SPSB4: variants seen among roughly 807,000 people sequenced by gnomAD.
SPSB4 encodes SPRY domain-containing SOCS box protein 4.
A neutral mutation model predicts 20.9 loss-of-function variants in SPSB4; 21 were observed. The ratio of observed to expected loss-of-function variants is 1.01; its 90% CI spans 0.71 to 1.45. SPSB4 has a LOEUF of 1.45. Among genes scored for constraint, SPSB4 ranks in the 40% most tolerant of loss-of-function variants. SPSB4 has a pLI of 0.00. For synonymous variants in SPSB4, 207 were observed against 183.8 expected, an observed-to-expected ratio of 1.13 and a Z score of -1.02; for missense variants, 399 against 399.2, an observed-to-expected ratio of 1.00 and a Z score of 0.00.
chr3:141,147,949 T>A lies in SPSB4; in HGVS notation c.*680T>A, dbSNP rs943226081. On this transcript the variant is annotated 3_prime_UTR_variant, in exon 3 of 3. Coordinates refer to ENST00000310546, the MANE Select transcript of SPSB4 (RefSeq NM_080862.3). ...AGCCACTGACTCACAGTTCTCTGGA[T>A]GCCCAGACACCTCTCTTCAGGGAAG... 2.0e-5 allele frequency: 3 copies of A among 153,104 alleles called. No homozygotes were observed. Among genetic ancestry groups the A allele is most frequent in the African/African-American group, 7.2e-5 (3 of 41,472 alleles). The allele number at this position is 153,104 out of a possible 1,614,324, so 9.5% of individuals were successfully genotyped here.
intron 2 of SPSB4, among the ~76,000 whole-genome samples, chr3:141,074,724 C>A (rs1297725827): frequency 6.6e-6 from 1 of 152,216 alleles, no homozygotes; most frequent in Non-Finnish European, 1.5e-5. Flanking sequence ...GCACCTTCAC[C>A]AGCTGTGTGC....
intron 2 of SPSB4, among the ~76,000 whole-genome samples, chr3:141,101,352 G>T (rs964069128): frequency 2.0e-5 from 3 of 152,216 alleles, no homozygotes; most frequent in Admixed American, 1.3e-4. Context: ...AGGACCAGGG[G>T]CTGGGAACCT....
chr3:141,112,858 A>G (rs1201472769), intron 2 of SPSB4, among the ~76,000 whole-genome samples: 1 of 151,980 alleles, frequency 6.6e-6, no homozygotes, highest in African/African-American at 2.4e-5. Context: ...GGAGCTTTCC[A>G]GGGCCTCTCA....
In SPSB4 at chr3:141,051,568, C is replaced by G. The variant is rs1323243599; in HGVS notation, c.-578C>G. 7.0e-6 allele frequency: 1 copy of G among 143,502 alleles called. No individual in the cohort carries two copies. Among genetic ancestry groups the G allele is most frequent in the African/African-American group, 2.5e-5 (1 of 39,968 alleles). 8.9% of individuals were successfully genotyped at this position (143,502 alleles called of 1,614,324 possible). ...GCTACCGCTGCGTGCGCTCAGGGCG[C>G]TGGGGAAGACGCCCGGCGCGCCGGG... On this transcript the variant is annotated 5_prime_UTR_variant, in exon 1 of 3. Coordinates refer to ENST00000310546, the MANE Select transcript of SPSB4 (RefSeq NM_080862.3).
rs144070880 is a variant in SPSB4 at position 141,147,582 on chromosome 3, G to C, written c.*313G>C. ...CAGCAGCCACCGTATTGATCAGAGA[G>C]CCTGTTTCCTTATTCAAGAGAATGA... On this transcript the variant is annotated 3_prime_UTR_variant, in exon 3 of 3. Coordinates refer to ENST00000310546, the MANE Select transcript of SPSB4 (RefSeq NM_080862.3). The C allele has an allele frequency of 3.4e-3, 996 of 292,618 alleles. 9 individuals carry two copies. The highest frequency in any genetic ancestry group is 0.02 in the African/African-American group (938 of 47,808). 18.1% of individuals were successfully genotyped at this position (292,618 alleles called of 1,614,324 possible).
intron 1 of SPSB4, among the ~76,000 whole-genome samples, chr3:141,060,442 G>T (rs1312270595): frequency 2.0e-5 from 3 of 152,172 alleles, no homozygotes; most frequent in Non-Finnish European, 4.4e-5. Flanking sequence ...AAGAGCACAG[G>T]CTTGTCATAT....
At chr3:141,099,245 C>T (rs570359719) in intron 2 of SPSB4, among the ~76,000 whole-genome samples, 110 of 148,624 alleles carry the variant, frequency 7.4e-4, no homozygotes, top group African/African-American at 2.4e-3. Flanking sequence ...AGTGCAGTGG[C>T]GCGATCTCGA....
intron 2 of SPSB4, among the ~76,000 whole-genome samples, chr3:141,129,632 G>A (rs993921166): frequency 6.6e-6 from 1 of 152,176 alleles, no homozygotes; most frequent in Non-Finnish European, 1.5e-5. Flanking sequence ...TCAGAGAGAC[G>A]CTGGGTAGGA....
chr3:141,120,537 T>C (rs1938951168), intron 2 of SPSB4, among the ~76,000 whole-genome samples: 1 of 152,230 alleles, frequency 6.6e-6, no homozygotes, highest in Admixed American at 6.5e-5. Flanking sequence ...TATTATTGTG[T>C]GGGAGTCTAA....
chr3:141,062,781 T>C (rs1446610830), intron 1 of SPSB4, among the ~76,000 whole-genome samples: 2 of 152,234 alleles, frequency 1.3e-5, no homozygotes, highest in African/African-American at 2.4e-5. Flanking sequence ...GAAGTTTTGT[T>C]TGTGACCTAA....
intron 2 of SPSB4, among the ~76,000 whole-genome samples, chr3:141,135,362 A>ATTATTAT (rs1196953029): frequency 6.6e-6 from 1 of 151,144 alleles, no homozygotes; most frequent in Non-Finnish European, 1.5e-5. Flanking sequence ...TATTATTATT[A>ATTATTAT]TACCTTAAGT....
intron 2 of SPSB4, among the ~76,000 whole-genome samples, chr3:141,080,715 T>A (rs575235834): frequency 1.1e-4 from 17 of 152,280 alleles, no homozygotes; most frequent in African/African-American, 3.9e-4. Flanking sequence ...AGGAGAGAAG[T>A]GGTGAATTGT....
At position 141,054,302 on chromosome 3, in the gene SPSB4, G is replaced by A. The variant is rs1936145044; in HGVS notation, c.-154+2310G>A. Among the ~76,000 whole-genome samples, 5 of 152,160 alleles carry A rather than the reference G, an allele frequency of 3.3e-5. No individual in the cohort carries two copies. The South Asian group carries it at 1.0e-3, about 32-fold the overall frequency. On this transcript the variant is annotated intron_variant, in intron 1 of 2. Coordinates refer to ENST00000310546, the MANE Select transcript of SPSB4 (RefSeq NM_080862.3). ...ATCAGGGGAGTGGCAGGCCGTAGAT[G>A]GAGGTCACCAGAAGTCTCTGCCTAT...
At chr3:141,134,030 C>CTTTTTT (rs1207127072) in intron 2 of SPSB4, among the ~76,000 whole-genome samples, 7 of 37,770 alleles carry the variant, frequency 1.9e-4, no homozygotes, top group Non-Finnish European at 3.2e-4. Flanking sequence ...TTTTTTTTTT[C>CTTTTTT]TTTTCTTTTT....
In SPSB4 at chr3:141,066,297, G is replaced by A; in HGVS notation, c.193G>A (p.Val65Ile). ...GAACCCCGAGGACCGCTCGCTCAAC[G>A]TCTTCGTCAAGGACGACGACCGGCT... ...AWNPEDRSLN[V>I]FVKDDDRLTF... Residue 65 changes from valine (V) to isoleucine (I), a missense_variant, in exon 2 of 3, where the codon GTC becomes ATC. Transcript: ENST00000310546. The A allele has an allele frequency of 6.4e-7, 1 of 1,572,388 alleles. No homozygotes were observed. Among genetic ancestry groups the A allele is most frequent in the Non-Finnish European group, 8.6e-7 (1 of 1,160,636 alleles).
rs1939163674 is a variant in SPSB4, at chr3:141,133,120, T to A, written c.695-14022T>A. Among the ~76,000 whole-genome samples, 2 of 152,244 alleles carry A rather than the reference T, an allele frequency of 1.3e-5. 1 individual carries two copies. Among genetic ancestry groups the A allele is most frequent in the South Asian group, 4.1e-4 (2 of 4,828 alleles). On this transcript the variant is annotated intron_variant, in intron 2 of 2. Transcript: ENST00000310546. ...TGTATATCTTCTTTTGAGAATTTTC[T>A]ATTCATATCCTTTGCCTACTTTTTG... is the stretch of plus-strand genomic sequence containing the variant.
chr3:141,141,762 A>G (rs1182664660), intron 2 of SPSB4, among the ~76,000 whole-genome samples: 1 of 151,916 alleles, frequency 6.6e-6, no homozygotes, highest in Non-Finnish European at 1.5e-5. Context: ...TTTCTTCCTG[A>G]TTTAATCTAG....
chr3:141,066,749 C>T lies in SPSB4; in HGVS notation c.645C>T (p.Ala215=), dbSNP rs763671148. The part of the protein sequence containing the change: ...KGKKLYPVVS[A]VWGHCEVTMR... ...AGAAGCTGTACCCGGTGGTGAGTGC[C>T]GTGTGGGGCCACTGTGAAGTCACCA... Residue 215 remains alanine (A), a synonymous_variant, in exon 2 of 3, where the codon GCC becomes GCT. Transcript: ENST00000310546. 8 of 1,591,868 alleles carry T rather than the reference C, an allele frequency of 5.0e-6. No individual in the cohort carries two copies. The highest frequency in any genetic ancestry group is 3.5e-5 in the Admixed American group (2 of 57,406).
At chr3:141,054,249 A>T (rs534262595) in intron 1 of SPSB4, among the ~76,000 whole-genome samples, 1 of 152,302 alleles carries the variant, frequency 6.6e-6, no homozygotes, top group South Asian at 2.1e-4. Context: ...CTCTGTTGAT[A>T]CAGGAGTGAA....
Sources: gnomAD v4.1 joint callset for allele counts (sites outside exome capture counted in the v4.1 genomes callset) on GRCh38, gnomAD v4.1.1 for gene constraint, MANE v1.5 for transcripts, NCBI Gene and HGNC (gene_info 2026-07-23, HGNC 2026-07-21) for gene names.